The following THSD7A variants were observed in gnomAD, a reference collection of about 807,000 sequenced individuals.
THSD7A encodes thrombospondin type 1 domain containing 7A.
In THSD7A, 96 loss-of-function variants were observed where a neutral mutation model predicts 231.3. The ratio of observed to expected loss-of-function variants is 0.41; its 90% CI spans 0.35 to 0.49. The LOEUF (loss-of-function observed/expected upper bound fraction) is 0.49, where lower values mean the gene tolerates loss of function less well. THSD7A is among the 20% of genes least tolerant of loss of function. The probability of loss-of-function intolerance (pLI) is 0.05; values close to 1 mark genes in which losing one functional copy is unlikely to be tolerated. For missense variants in THSD7A, 2,290 were observed against 2,070.2 expected, an observed-to-expected ratio of 1.11 and a Z score of -2.06; for synonymous variants, 940 against 743.3, an observed-to-expected ratio of 1.26 and a Z score of -4.30.
chr7:11,772,759 G>A (rs565538381), intron 1 of THSD7A, among the ~76,000 whole-genome samples: 6 of 152,200 alleles, frequency 3.9e-5, no homozygotes, highest in Non-Finnish European at 7.4e-5. Flanking sequence ...TACCTATAGT[G>A]TACTCTGCTC....
At chr7:11,526,387 T>C (rs1040040398) in intron 6 of THSD7A, among the ~76,000 whole-genome samples, 2 of 152,186 alleles carry the variant, frequency 1.3e-5, no homozygotes, top group African/African-American at 2.4e-5. Flanking sequence ...AGTGATCCTA[T>C]GAGGCAGAGA....
At chr7:11,705,932 ATATGT>A (rs1162156150) in intron 1 of THSD7A, among the ~76,000 whole-genome samples, 13 of 151,006 alleles carry the variant, frequency 8.6e-5, no homozygotes, top group Admixed American at 1.3e-4. Flanking sequence ...TGAGCATATA[ATATGT>A]TATAACAATA....
intron 1 of THSD7A, among the ~76,000 whole-genome samples, chr7:11,672,634 G>A (rs1156840154): frequency 1.3e-5 from 2 of 151,946 alleles, no homozygotes; most frequent in Non-Finnish European, 2.9e-5. Context: ...CTTTTGCCTA[G>A]AATTTTAATT....
chr7:11,740,477 C>T (rs968562329), intron 1 of THSD7A, among the ~76,000 whole-genome samples: 2 of 151,964 alleles, frequency 1.3e-5, no homozygotes, highest in African/African-American at 4.8e-5. Context: ...AGCTACATCT[C>T]CTTTTTGCTT....
chr7:11,750,682 A>C (rs899322037), intron 1 of THSD7A, among the ~76,000 whole-genome samples: 123 of 152,152 alleles, frequency 8.1e-4, no homozygotes, highest in African/African-American at 2.8e-3. Flanking sequence ...TTATATGGCC[A>C]GTCTCTACTC....
At chr7:11,525,229 C>T (rs560441971) in intron 6 of THSD7A, among the ~76,000 whole-genome samples, 1 of 151,968 alleles carries the variant, frequency 6.6e-6, no homozygotes, top group African/African-American at 2.4e-5. Context: ...ATCAATAGAT[C>T]ATGCCTGAGT....
intron 6 of THSD7A, among the ~76,000 whole-genome samples, chr7:11,529,809 T>C (rs1319232808): frequency 6.6e-6 from 1 of 152,186 alleles, no homozygotes; most frequent in African/African-American, 2.4e-5. Flanking sequence ...AATAAAATTC[T>C]TATCTGTAAC....
chr7:11,668,467 GA>G (rs1195751882), intron 1 of THSD7A, among the ~76,000 whole-genome samples: 1 of 30,328 alleles, frequency 3.3e-5, no homozygotes, highest in Non-Finnish European at 7.4e-5. Flanking sequence ...GAGAAAGAAA[GA>G]AAAAAAGAAA....
At chr7:11,789,498 C>T (rs2355088) in intron 1 of THSD7A, among the ~76,000 whole-genome samples, 44,166 of 151,688 alleles carry the variant, frequency 0.29, 6,578 homozygotes, top group East Asian at 0.46. Flanking sequence ...GTCTTTTTTA[C>T]TTTAGAAGTA....
At chr7:11,744,313 A>T (rs1267623863) in intron 1 of THSD7A, among the ~76,000 whole-genome samples, 1 of 151,908 alleles carries the variant, frequency 6.6e-6, no homozygotes, top group Non-Finnish European at 1.5e-5. Flanking sequence ...AAACTTCAAG[A>T]GAAAGCTTTA....
In THSD7A at chr7:11,375,143, C is replaced by T. The variant is rs1247100789; in HGVS notation, c.*651G>A. On this transcript the variant is annotated 3_prime_UTR_variant, in exon 28 of 28. Transcript: ENST00000423059. ...AACTTGAGGACTCGTTCTTCTAAGA[C>T]ACTAGTACTTGTCCAGCATTCTTAC... 2 of 151,840 alleles carry T rather than the reference C, an allele frequency of 1.3e-5. No homozygotes were observed. Among genetic ancestry groups the T allele is most frequent in the East Asian group, 1.9e-4 (1 of 5,170 alleles). 9.4% of individuals were successfully genotyped at this position (151,840 alleles called of 1,614,324 possible).
rs149374375 is a variant in THSD7A, at chr7:11,814,023, C to G, written c.190+17734G>C. On this transcript the variant is annotated intron_variant, in intron 1 of 27. Transcript: ENST00000423059. The surrounding 1 kb of genome is among the most constrained non-coding windows in gnomAD (Gnocchi z 5.1). ...ATGGATGGACTTTGAAAACATGATGCGAAATAAAAGGTGCTAGTCACAAAA... is the reference window on the plus strand; with the variant it reads ...ATGGATGGACTTTGAAAACATGATGGGAAATAAAAGGTGCTAGTCACAAAA... Among the ~76,000 whole-genome samples, 1 of 151,906 alleles carries G rather than the reference C, an allele frequency of 6.6e-6. No individual in the cohort carries two copies. The highest frequency in any genetic ancestry group is 1.5e-5 in the Non-Finnish European group (1 of 67,986).
rs750640365 is a variant in THSD7A at position 11,637,568 on chromosome 7, C to T, written c.191-607G>A. On this transcript the variant is annotated intron_variant, in intron 1 of 27. Transcript: ENST00000423059. The surrounding 1 kb of genome is among the most constrained non-coding windows in gnomAD (Gnocchi z 4.2). ...AAAATCTTCATTTACACACATTCTG[C>T]CTTTAAATTTACCAAATTTCCCCCC... is the stretch of plus-strand genomic sequence containing the variant. Among the ~76,000 whole-genome samples, 18 of 144,844 alleles carry T rather than the reference C, an allele frequency of 1.2e-4. No individual in the cohort carries two copies. The highest frequency in any genetic ancestry group is 2.8e-4 in the Admixed American group (4 of 14,064).
In THSD7A at chr7:11,586,823, T is replaced by A. The variant is rs1339807030; in HGVS notation, c.1453+3637A>T. Among the ~76,000 whole-genome samples the A allele has an allele frequency of 2.0e-5, 3 of 152,170 alleles. No homozygotes were observed. In the East Asian group the frequency reaches 5.8e-4, roughly 29 times the overall value. ...CAGTTCAATCATCCATCCCTCCGCC[T>A]ATCTTCCCATTGATCCTCCAATCCT... On this transcript the variant is annotated intron_variant, in intron 4 of 27. Transcript: ENST00000423059.
intron 6 of THSD7A, among the ~76,000 whole-genome samples, chr7:11,510,726 C>A (rs991121389): frequency 2.6e-5 from 4 of 152,104 alleles, no homozygotes; most frequent in Non-Finnish European, 2.9e-5. Flanking sequence ...ATTCAACAGC[C>A]CTTCATGCTA....
At chr7:11,669,703 T>C (rs10263889) in intron 1 of THSD7A, among the ~76,000 whole-genome samples, 8,910 of 152,114 alleles carry the variant, frequency 0.059, 859 homozygotes, top group African/African-American at 0.2. Flanking sequence ...ATAATTTACA[T>C]AAATGAGTCA....
chr7:11,728,159 T>G (rs1781609306), intron 1 of THSD7A, among the ~76,000 whole-genome samples: 1 of 151,982 alleles, frequency 6.6e-6, no homozygotes. Context: ...CATGTGCACA[T>G]CAATTTTTGC....
chr7:11,580,318 A>G (rs1791100621), intron 4 of THSD7A, among the ~76,000 whole-genome samples: 1 of 152,140 alleles, frequency 6.6e-6, no homozygotes, highest in Non-Finnish European at 1.5e-5. Flanking sequence ...CACCTGAGGA[A>G]TAAGGGTACA....
chr7:11,768,051 T>A (rs1783087716), intron 1 of THSD7A, among the ~76,000 whole-genome samples: 1 of 152,162 alleles, frequency 6.6e-6, no homozygotes, highest in African/African-American at 2.4e-5. Flanking sequence ...GGATTTAGAA[T>A]AAATGTAAAC....
Sources: allele counts gnomAD v4.1 joint callset (sites outside exome capture counted in the v4.1 genomes callset), GRCh38; gene constraint gnomAD v4.1.1; non-coding constraint Gnocchi (gnomAD v3.1); transcripts MANE v1.5; gene names NCBI Gene and HGNC (gene_info 2026-07-23, HGNC 2026-07-21).